Variants in PRTG observed in about 807,000 individuals in gnomAD.
PRTG encodes the protein protogenin.
A neutral mutation model predicts 122.5 loss-of-function variants in PRTG; 67 were observed. The observed-to-expected ratio is 0.55, with a 90% CI of 0.45 to 0.67. The LOEUF (loss-of-function observed/expected upper bound fraction) is 0.67, where lower values mean the gene tolerates loss of function less well. PRTG is among the 30% of genes least tolerant of loss of function. The pLI is 0.00. For missense variants in PRTG, 1,435 were observed against 1,415.4 expected, an observed-to-expected ratio of 1.01 and a Z score of -0.22; for synonymous variants, 554 against 501.1, an observed-to-expected ratio of 1.11 and a Z score of -1.41.
At chr15:55,656,431 AAATCTAT>A (rs1301598273) in intron 11 of PRTG, 3 of 438,016 alleles carry the variant, frequency 6.8e-6, no homozygotes, top group East Asian at 7.0e-5. Context: ...GGAAAATAAA[AAATCTAT>A]AATCTATAAT....
At position 55,617,617 on chromosome 15, in the gene PRTG, C is replaced by T. The variant is rs1248227531; in HGVS notation, c.*2395G>A. The T allele has an allele frequency of 6.6e-6, 1 of 152,062 alleles. No individual in the cohort carries two copies. Among genetic ancestry groups the T allele is most frequent in the East Asian group, 1.9e-4 (1 of 5,192 alleles). 9.4% of individuals were successfully genotyped at this position (152,062 alleles called of 1,614,324 possible). ...ACAAAATGAAAAGGTAAAAAATGTA[C>T]TGTTAAATAATTATCAAATAGTTAT... On this transcript the variant is annotated 3_prime_UTR_variant, in exon 20 of 20. Transcript: ENST00000389286.
intron 11 of PRTG, among the ~76,000 whole-genome samples, chr15:55,649,428 C>T (rs1595619352): frequency 2.4e-3 from 1 of 410 alleles, no homozygotes; most frequent in South Asian, 0.25. Context: ...AATTTAATTC[C>T]ATGAAGTGCT....
rs1385092699 is a variant in PRTG, at chr15:55,626,420, AAAG to A, written c.2927+585_2927+587del. On this transcript the variant is annotated intron_variant, in intron 17 of 19. Transcript: ENST00000389286. ...TGAGACTTTGTCTCAAAAAAAAAAA[AAAG>A]GACACTAGTCCTCATTTAAGAATAT... is the stretch of plus-strand genomic sequence containing the variant. 2.0e-5 allele frequency among the ~76,000 whole-genome samples: 3 copies of A among 150,848 alleles called. No individual in the cohort carries two copies. In the East Asian group the frequency reaches 5.9e-4, roughly 29 times the overall value.
At chr15:55,646,569 G>T (rs150799270) in intron 11 of PRTG, among the ~76,000 whole-genome samples, 2 of 152,072 alleles carry the variant, frequency 1.3e-5, no homozygotes, top group Non-Finnish European at 2.9e-5. Flanking sequence ...TGATCCACCC[G>T]CCTCGTCCTC....
chr15:55,694,373 T>C (rs1241560716), intron 2 of PRTG, among the ~76,000 whole-genome samples: 1 of 152,182 alleles, frequency 6.6e-6, no homozygotes, highest in African/African-American at 2.4e-5. Flanking sequence ...CCCTTACTTT[T>C]AATTTTTATC....
At chr15:55,710,788 C>T (rs2030351283) in intron 2 of PRTG, among the ~76,000 whole-genome samples, 1 of 152,126 alleles carries the variant, frequency 6.6e-6, no homozygotes, top group African/African-American at 2.4e-5. Context: ...AATACACAAA[C>T]TCCCCAAATT....
chr15:55,638,506 A>AT (rs746280118), intron 14 of PRTG, 43 bp downstream of exon 14: 25 of 1,487,676 alleles, frequency 1.7e-5, no homozygotes, highest in Middle Eastern at 1.7e-4. Flanking sequence ...CATTTCCTTA[A>AT]TTTTTTTTAA....
intron 11 of PRTG, among the ~76,000 whole-genome samples, chr15:55,643,470 G>T (rs2059303793): frequency 6.6e-6 from 1 of 152,182 alleles, no homozygotes; most frequent in Non-Finnish European, 1.5e-5. Flanking sequence ...GTCTTACTCT[G>T]TTGCCCAGGC....
rs769701552 is a variant in PRTG at position 55,679,280 on chromosome 15, G to T, written c.1133+6C>A. ...TATAAAATGGTAGCAAAGTTACACA[G>T]CCTACCTGTTGTACATTTTAATTCT... On this transcript the variant is annotated splice_donor_region_variant and intron_variant, in intron 7 of 19. Coordinates refer to ENST00000389286, the MANE Select transcript of PRTG (RefSeq NM_173814.6). 6.2e-7 allele frequency: 1 copy of T among 1,601,202 alleles called. No individual in the cohort carries two copies. Among genetic ancestry groups the T allele is most frequent in the Admixed American group, 1.7e-5 (1 of 59,848 alleles).
intron 2 of PRTG, among the ~76,000 whole-genome samples, chr15:55,732,395 G>T (rs2031264237): frequency 6.6e-6 from 1 of 151,806 alleles, no homozygotes; most frequent in Non-Finnish European, 1.5e-5. Flanking sequence ...ATGTTGGCCA[G>T]GCTGGTCTCG....
At chr15:55,672,314 C>T (rs2059476476) in intron 11 of PRTG, 131 bp downstream of exon 11, 2 of 742,400 alleles carry the variant, frequency 2.7e-6, no homozygotes, top group Admixed American at 5.6e-5. Context: ...AGCATATACA[C>T]ACTGACATAG....
chr15:55,641,945 C>T (rs1445408193), intron 11 of PRTG, among the ~76,000 whole-genome samples: 1 of 151,522 alleles, frequency 6.6e-6, no homozygotes, highest in African/African-American at 2.4e-5. Flanking sequence ...GAGGCCGAGG[C>T]GGGTGGATCA....
At chr15:55,622,684 C>T (rs1444415518) in intron 18 of PRTG, among the ~76,000 whole-genome samples, 1 of 152,030 alleles carries the variant, frequency 6.6e-6, no homozygotes, top group Non-Finnish European at 1.5e-5. Flanking sequence ...AGCCACCGCG[C>T]CCGGCCACAC....
intron 9 of PRTG, 129 bp downstream of exon 9, chr15:55,675,390 A>T (rs2059496742): frequency 1.7e-6 from 1 of 581,522 alleles, no homozygotes; most frequent in African/African-American, 1.8e-5. Context: ...TGAGATTTTG[A>T]ACGGCAAATT....
intron 2 of PRTG, among the ~76,000 whole-genome samples, chr15:55,689,708 A>G (rs1238794498): frequency 6.6e-6 from 1 of 152,016 alleles, no homozygotes; most frequent in Non-Finnish European, 1.5e-5. Context: ...CGGGTGGATC[A>G]CGAGGTCAGG....
At chr15:55,678,134 ATTTT>A in intron 7 of PRTG, 90 bp from the exon 8 acceptor site, 1 of 746,180 alleles carries the variant, frequency 1.3e-6, no homozygotes, top group Non-Finnish European at 2.1e-6. Context: ...CTCTCATTTT[ATTTT>A]ATTTTAAAAT....
In PRTG at chr15:55,679,300, A is replaced by T; in HGVS notation, c.1119T>A (p.Ile373=). Residue 373 remains isoleucine (I), a synonymous_variant, in exon 7 of 20, where the codon ATT becomes ATA. Transcript: ENST00000389286. The stretch of plus-strand genomic sequence containing the variant: ...ACACAGCCTACCTGTTGTACATTTT[A>T]ATTCTACCATTCGAATGTATCTTCC... ...NGRKIHSNGR[I]KMYNSKLVIN... is the part of the protein sequence containing the mutation. 1 of 1,611,954 alleles carries T rather than the reference A, an allele frequency of 6.2e-7. No homozygotes were observed. Among genetic ancestry groups the T allele is most frequent in the Non-Finnish European group, 8.5e-7 (1 of 1,178,200 alleles).
intron 2 of PRTG, among the ~76,000 whole-genome samples, chr15:55,722,399 G>A (rs1198036434): frequency 7.8e-6 from 1 of 127,770 alleles, no homozygotes; most frequent in Non-Finnish European, 2.0e-5. Flanking sequence ...ATACTTGTTG[G>A]GGAAATGAAT....
rs948669335 is a variant in PRTG, at chr15:55,612,165, C to T, written c.*7847G>A. The T allele has an allele frequency of 2.6e-5, 4 of 152,048 alleles. No individual in the cohort carries two copies. The highest frequency in any genetic ancestry group is 9.7e-5 in the African/African-American group (4 of 41,416). The allele number at this position is 152,048 out of a possible 1,614,324, so 9.4% of individuals were successfully genotyped here. On this transcript the variant is annotated 3_prime_UTR_variant, in exon 20 of 20. Coordinates refer to ENST00000389286, the MANE Select transcript of PRTG (RefSeq NM_173814.6). ...GGCTTTGCAATTTCCTATTAACAGG[C>T]TCAAGTTGCTAATCATCAGTAATAA... is the stretch of plus-strand genomic sequence containing the variant.
Sources: allele counts gnomAD v4.1 joint callset (sites outside exome capture counted in the v4.1 genomes callset), GRCh38; gene constraint gnomAD v4.1.1; transcripts MANE v1.5; gene names NCBI Gene and HGNC (gene_info 2026-07-23, HGNC 2026-07-21).